The following RPA1 variants were observed in gnomAD, a reference collection of about 807,000 sequenced individuals.
RPA1 encodes replication protein A1.
RPA1 carries 49 observed loss-of-function variants against 83.0 expected under a neutral mutation model. The ratio of observed to expected loss-of-function variants is 0.59; its 90% CI spans 0.47 to 0.75. RPA1 has a LOEUF of 0.75. Ranked by LOEUF, RPA1 falls within the 30% of genes least tolerant of loss-of-function variation. The pLI, the probability that RPA1 is intolerant of heterozygous loss-of-function variation, is 0.00. For synonymous variants in RPA1, 279 were observed against 281.8 expected (o/e 0.99, Z 0.10); for missense variants, 693 against 776.1 (o/e 0.89, Z 1.27).
intron 5 of RPA1, among the ~76,000 whole-genome samples, chr17:1,869,875 C>G (rs1913315465): frequency 2.0e-5 from 3 of 152,160 alleles, no homozygotes; most frequent in Admixed American, 2.0e-4. Flanking sequence ...TCTCTCGTCT[C>G]TTGTGCCAGA....
At chr17:1,836,237 T>A (rs770733170) in intron 1 of RPA1, among the ~76,000 whole-genome samples, 5 of 149,442 alleles carry the variant, frequency 3.3e-5, no homozygotes, top group Non-Finnish European at 7.4e-5. Context: ...TCAGTCTCCT[T>A]AGTAATTGGG....
intron 8 of RPA1, 50 bp downstream of exon 8, chr17:1,877,364 CAG>C: frequency 6.5e-7 from 1 of 1,528,366 alleles, no homozygotes; most frequent in Non-Finnish European, 9.0e-7. Flanking sequence ...CGCCGGGAAA[CAG>C]AAGGCTCAGC....
At chr17:1,875,535 C>A in intron 6 of RPA1, 126 bp from the exon 7 acceptor site, 3 of 1,015,614 alleles carry the variant, frequency 3.0e-6, no homozygotes, top group Non-Finnish European at 2.8e-6. Context: ...AAAGGAAAAG[C>A]TTTGCCTCTC....
rs1016572951 is a variant in RPA1, at chr17:1,897,617, G to C, written c.*442G>C. The C allele has an allele frequency of 6.2e-6, 1 of 161,720 alleles. No homozygotes were observed. Among genetic ancestry groups the C allele is most frequent in the Admixed American group, 5.7e-5 (1 of 17,674 alleles). The allele number at this position is 161,720 out of a possible 1,614,324, so 10.0% of individuals were successfully genotyped here. ...GGGGCGAGCTGAGAAGCGGTCATGAGCACCTGGGGATTTTAGTAAGTGTGT... is the reference window on the plus strand; with the variant it reads ...GGGGCGAGCTGAGAAGCGGTCATGACCACCTGGGGATTTTAGTAAGTGTGT... On this transcript the variant is annotated 3_prime_UTR_variant, in exon 17 of 17. Transcript: ENST00000254719.
chr17:1,836,419 G>C (rs7217805), intron 1 of RPA1, among the ~76,000 whole-genome samples: 130,705 of 152,090 alleles, frequency 0.86, 56,546 homozygotes, highest in Non-Finnish European at 0.92. Flanking sequence ...CAAATTGCAC[G>C]TATTTTAAAT....
chr17:1,862,717 C>CTTTTTTTT (rs71150827), intron 5 of RPA1, among the ~76,000 whole-genome samples: 1 of 51,760 alleles, frequency 1.9e-5, no homozygotes, highest in African/African-American at 7.2e-5. Flanking sequence ...CTGTGCCCAG[C>CTTTTTTTT]TTTTTTTTTT....
chr17:1,840,785 C>T (rs763960841), intron 1 of RPA1, among the ~76,000 whole-genome samples: 1 of 152,136 alleles, frequency 6.6e-6, no homozygotes, highest in Non-Finnish European at 1.5e-5. Flanking sequence ...ACTTTTGAAG[C>T]CTGGCACGGT....
intron 5 of RPA1, among the ~76,000 whole-genome samples, chr17:1,862,354 A>T (rs1385598595): frequency 3.3e-5 from 5 of 150,952 alleles, no homozygotes; most frequent in African/African-American, 1.2e-4. Context: ...GCTCTCTTAT[A>T]CCTCTCTTGT....
At position 1,838,597 on chromosome 17, in the gene RPA1, C is replaced by G. The variant is rs1191004747; in HGVS notation, c.34-4206C>G. On this transcript the variant is annotated intron_variant, in intron 1 of 16. Transcript: ENST00000254719. ...CAGCCTGGGCAACAAGAGTGAAACT[C>G]AGTCTCAAAAAAAAAAAAAAAAAAG... 2.4e-5 allele frequency among the ~76,000 whole-genome samples: 3 copies of G among 124,642 alleles called. No individual in the cohort carries two copies. In the East Asian group the frequency reaches 6.9e-4, roughly 29 times the overall value. 81.8% of individuals were successfully genotyped at this position (124,642 alleles called of 152,430 possible).
chr17:1,854,703 TC>T (rs961299710), intron 5 of RPA1, among the ~76,000 whole-genome samples: 5 of 152,136 alleles, frequency 3.3e-5, no homozygotes, highest in African/African-American at 1.2e-4. Flanking sequence ...TGTCCGCTAT[TC>T]CCCACTGCAA....
rs1914522650 is a variant in RPA1, at chr17:1,898,304, G to A, written c.*1129G>A. 6.6e-6 allele frequency: 1 copy of A among 152,204 alleles called. No individual in the cohort carries two copies. The allele number at this position is 152,204 out of a possible 1,614,324, so 9.4% of individuals were successfully genotyped here. On this transcript the variant is annotated 3_prime_UTR_variant, in exon 17 of 17. Transcript: ENST00000254719. ...AGGATGCTGATGATCTGGCACTTGGGATTTTATTGATGTTTACGCAGCAGT... is the reference window on the plus strand; with the variant it reads ...AGGATGCTGATGATCTGGCACTTGGAATTTTATTGATGTTTACGCAGCAGT...
intron 13 of RPA1, among the ~76,000 whole-genome samples, chr17:1,886,705 C>CTTTTTT (rs57659628): frequency 8.0e-6 from 1 of 125,446 alleles, no homozygotes; most frequent in African/African-American, 3.0e-5. Context: ...TCTTCTGCAG[C>CTTTTTT]TTTTTTTTTT....
chr17:1,879,396 A>T lies in RPA1; in HGVS notation c.941A>T (p.Asp314Val). 6.2e-7 allele frequency: 1 copy of T among 1,613,950 alleles called. No homozygotes were observed. Among genetic ancestry groups the T allele is most frequent in the Non-Finnish European group, 8.5e-7 (1 of 1,179,958 alleles). ...GIDDLENKSK[D>V]SLVDIIGICK... ...GATGACCTCGAGAACAAGTCGAAAG[A>T]CTCACTTGTAGGTAAGCTCGTGTAT... Residue 314 changes from aspartate (D) to valine (V), a missense_variant, in exon 10 of 17, where the codon GAC becomes GTC. Asp to Val is a radical substitution (Grantham distance 152). Coordinates refer to ENST00000254719, the MANE Select transcript of RPA1 (RefSeq NM_002945.5).
At chr17:1,850,094 C>T (rs1912430328) in intron 4 of RPA1, among the ~76,000 whole-genome samples, 1 of 149,094 alleles carries the variant, frequency 6.7e-6, no homozygotes, top group South Asian at 2.1e-4. Flanking sequence ...ATCACTTGAA[C>T]CCGGGAGATG....
At chr17:1,853,523 A>C (rs1912577598) in intron 5 of RPA1, among the ~76,000 whole-genome samples, 1 of 152,208 alleles carries the variant, frequency 6.6e-6, no homozygotes, top group Non-Finnish European at 1.5e-5. Flanking sequence ...TCTCTACTAA[A>C]AATACAAAAA....
At chr17:1,831,813 A>G (rs1410385974) in intron 1 of RPA1, among the ~76,000 whole-genome samples, 2 of 143,226 alleles carry the variant, frequency 1.4e-5, no homozygotes, top group Non-Finnish European at 3.0e-5. Flanking sequence ...GTTAGCCAGG[A>G]TGGTCTCGAT....
intron 1 of RPA1, 84 bp downstream of exon 1, chr17:1,830,210 CG>C: frequency 2.2e-6 from 1 of 452,384 alleles, no homozygotes. Context: ...GAGGGGAGCC[CG>C]GGGCGACGGG....
At chr17:1,836,023 C>T (rs1232045916) in intron 1 of RPA1, among the ~76,000 whole-genome samples, 1 of 152,144 alleles carries the variant, frequency 6.6e-6, no homozygotes, top group African/African-American at 2.4e-5. Context: ...CCTGCCTTAC[C>T]TTGTCCAGTA....
chr17:1,857,988 A>T (rs1912775945), intron 5 of RPA1: 1 of 1,594,744 alleles, frequency 6.3e-7, no homozygotes, highest in Non-Finnish European at 8.6e-7. Flanking sequence ...AAACAGAAAG[A>T]TGGGTGAATG....
Sources: gnomAD v4.1 joint callset for allele counts (sites outside exome capture counted in the v4.1 genomes callset) on GRCh38, gnomAD v4.1.1 for gene constraint, MANE v1.5 for transcripts, NCBI Gene and HGNC (gene_info 2026-07-23, HGNC 2026-07-21) for gene names.